Variants in PRKCB observed in about 807,000 individuals in gnomAD.
The protein encoded by PRKCB is protein kinase C beta, also known as protein kinase C beta type.
Under a neutral mutation model 81.5 loss-of-function variants are expected in PRKCB, and 13 were observed. The ratio of observed to expected loss-of-function variants is 0.16; its 90% CI spans 0.10 to 0.25. The LOEUF is 0.25. PRKCB is among the 10% of genes least tolerant of loss of function. The pLI is 1.00. For missense variants in PRKCB, 509 were observed against 875.7 expected (o/e 0.58, Z 5.29); for synonymous variants, 335 against 321.4 (o/e 1.04, Z -0.45).
chr16:23,852,172 G>T (rs1042641758), intron 2 of PRKCB, among the ~76,000 whole-genome samples: 3 of 152,160 alleles, frequency 2.0e-5, no homozygotes, highest in African/African-American at 7.2e-5. Context: ...GAAAGGGTGA[G>T]AGTGGGCGTC....
At chr16:24,119,682 C>T (rs1314527174) in intron 8 of PRKCB, among the ~76,000 whole-genome samples, 2 of 152,004 alleles carry the variant, frequency 1.3e-5, no homozygotes, top group Admixed American at 6.6e-5. Context: ...GGACATAGCC[C>T]GAGAAAGGTG....
At chr16:24,167,984 G>A (rs1371348678) in intron 10 of PRKCB, among the ~76,000 whole-genome samples, 3 of 152,204 alleles carry the variant, frequency 2.0e-5, no homozygotes, top group Non-Finnish European at 2.9e-5. Flanking sequence ...CACGTGGTAA[G>A]TACCCAAGAA....
At chr16:24,050,723 G>C (rs1470532366) in intron 5 of PRKCB, among the ~76,000 whole-genome samples, 1 of 152,084 alleles carries the variant, frequency 6.6e-6, no homozygotes, top group Non-Finnish European at 1.5e-5. Context: ...ACTAACAATT[G>C]GCAAATGTGT....
chr16:23,957,072 A>G (rs1376604323), intron 2 of PRKCB, among the ~76,000 whole-genome samples: 1 of 151,920 alleles, frequency 6.6e-6, no homozygotes, highest in Admixed American at 6.6e-5. Flanking sequence ...CAGAAGCCAT[A>G]AAGAAAAAGA....
intron 2 of PRKCB, among the ~76,000 whole-genome samples, chr16:23,982,113 T>TTCCCC (rs1964736729): frequency 1.2e-4 from 4 of 33,472 alleles, no homozygotes; most frequent in African/African-American, 2.9e-4. Context: ...TTCCCTTCCC[T>TTCCCC]TTCCCTTCCC....
intron 10 of PRKCB, among the ~76,000 whole-genome samples, chr16:24,164,848 G>A (rs1293713236): frequency 5.9e-5 from 9 of 152,142 alleles, no homozygotes; most frequent in Admixed American, 5.2e-4. Flanking sequence ...AACACTGAGT[G>A]TGGTGATAAG....
chr16:23,886,950 T>TG (rs954609215), intron 2 of PRKCB, among the ~76,000 whole-genome samples: 18 of 152,220 alleles, frequency 1.2e-4, no homozygotes, highest in African/African-American at 3.6e-4. Context: ...TCTCTTTTCT[T>TG]GGGGGGTCAC....
At chr16:24,119,833 A>C (rs1966778354) in intron 8 of PRKCB, among the ~76,000 whole-genome samples, 1 of 152,174 alleles carries the variant, frequency 6.6e-6, no homozygotes, top group Non-Finnish European at 1.5e-5. Flanking sequence ...TCAAGCCCCA[A>C]ACCCATGTAT....
At chr16:23,946,598 T>C (rs774794666) in intron 2 of PRKCB, among the ~76,000 whole-genome samples, 2 of 147,016 alleles carry the variant, frequency 1.4e-5, no homozygotes, top group Non-Finnish European at 2.9e-5. Flanking sequence ...AGACACATAA[T>C]AGATCCAGAG....
chr16:24,074,491 A>G (rs1446159428), intron 5 of PRKCB, among the ~76,000 whole-genome samples: 1 of 152,248 alleles, frequency 6.6e-6, no homozygotes, highest in Non-Finnish European at 1.5e-5. Flanking sequence ...AGTCCTTAGA[A>G]TAGTGCTTGG....
intron 7 of PRKCB, among the ~76,000 whole-genome samples, chr16:24,100,266 G>A (rs389769): frequency 0.44 from 66,911 of 151,590 alleles, 16,250 homozygotes; most frequent in Non-Finnish European, 0.54. Context: ...CCTCTTGGCC[G>A]AGGAGGGGGT....
At chr16:24,166,234 G>C (rs1032494059) in intron 10 of PRKCB, among the ~76,000 whole-genome samples, 5 of 151,968 alleles carry the variant, frequency 3.3e-5, no homozygotes, top group Admixed American at 1.3e-4. Context: ...TATGACTTTG[G>C]TATGAAGTTA....
intron 5 of PRKCB, among the ~76,000 whole-genome samples, chr16:24,051,343 T>C (rs189731356): frequency 1.5e-3 from 227 of 152,248 alleles, no homozygotes; most frequent in African/African-American, 5.0e-3. Flanking sequence ...AGGCTGTCTC[T>C]CTAGTTGCCT....
intron 16 of PRKCB, among the ~76,000 whole-genome samples, chr16:24,203,416 AACTT>A (rs1375941696): frequency 6.6e-6 from 1 of 152,032 alleles, no homozygotes; most frequent in African/African-American, 2.4e-5. Flanking sequence ...GAGGGAGGGT[AACTT>A]ACTTTTTAAA....
chr16:24,067,971 A>G (rs911383436), intron 5 of PRKCB, among the ~76,000 whole-genome samples: 1 of 148,474 alleles, frequency 6.7e-6, no homozygotes, highest in African/African-American at 2.5e-5. Flanking sequence ...AGAGAGAGAG[A>G]GAGCTGAGGA....
chr16:23,944,803 A>G (rs1213154489), intron 2 of PRKCB, among the ~76,000 whole-genome samples: 1 of 152,248 alleles, frequency 6.6e-6, no homozygotes, highest in Non-Finnish European at 1.5e-5. Context: ...GCCCTAGGTC[A>G]ATCTTCCAAA....
chr16:24,182,548 G>A (rs1411693311), intron 13 of PRKCB, among the ~76,000 whole-genome samples: 1 of 151,954 alleles, frequency 6.6e-6, no homozygotes, highest in Non-Finnish European at 1.5e-5. Flanking sequence ...AAGAAAGAAA[G>A]TGTTTCCACA....
chr16:24,191,653 T>C (rs1388801891), intron 16 of PRKCB: 2 of 155,418 alleles, frequency 1.3e-5, no homozygotes, highest in African/African-American at 4.8e-5. Flanking sequence ...ATCTCAACAG[T>C]ATTTAAATTT....
intron 2 of PRKCB, among the ~76,000 whole-genome samples, chr16:23,945,330 G>T (rs755329953): frequency 6.6e-6 from 1 of 152,224 alleles, no homozygotes; most frequent in Non-Finnish European, 1.5e-5. Flanking sequence ...ATGAATAGGG[G>T]ATGATATGGA....
Sources: allele counts gnomAD v4.1 joint callset (sites outside exome capture counted in the v4.1 genomes callset), GRCh38; gene constraint gnomAD v4.1.1; transcripts MANE v1.5; gene names NCBI Gene and HGNC (gene_info 2026-07-23, HGNC 2026-07-21).